CMYA5: variants seen among roughly 807,000 people sequenced by gnomAD.
The protein encoded by CMYA5 is cardiomyopathy-associated protein 5.
A neutral mutation model predicts 318.9 loss-of-function variants in CMYA5; 246 were observed. The ratio of observed to expected loss-of-function variants is 0.77; its 90% CI spans 0.70 to 0.86. The LOEUF is 0.86. CMYA5 is among the 40% of genes least tolerant of loss of function. CMYA5 has a pLI of 0.00. For missense variants in CMYA5, 4,589 were observed against 4,678.2 expected (o/e 0.98, Z 0.56); for synonymous variants, 1,641 against 1,729.5 (o/e 0.95, Z 1.27).
rs1313200099 is a variant in CMYA5 at position 79,739,317 on chromosome 5, T to C, written c.10552T>C (p.Cys3518Arg). 1 of 1,592,370 alleles carries C rather than the reference T, an allele frequency of 6.3e-7. No individual in the cohort carries two copies. Among genetic ancestry groups the C allele is most frequent in the Admixed American group, 1.8e-5 (1 of 56,514 alleles). The change falls in exon 2 of 13, where the codon TGT becomes CGT. Residue 3518 changes from cysteine to arginine, a missense_variant. Transcript: ENST00000446378. ...TGACACATACTGTTACACCTGCAAA[T>C]GTCCAATTTCTGCCACTGACAAGGT... Reference protein sequence around the residue: ...QIDTYCYTCKCPISATDKVFG... With the variant: ...QIDTYCYTCKRPISATDKVFG...
rs765963416 is a variant in CMYA5, at chr5:79,735,039, A to G, written c.6274A>G (p.Ser2092Gly). 1.9e-6 allele frequency: 3 copies of G among 1,613,766 alleles called. No individual in the cohort carries two copies. The highest frequency in any genetic ancestry group is 1.7e-5 in the Admixed American group (1 of 59,966). The change falls in exon 2 of 13, where the codon AGC becomes GGC. Residue 2092 changes from serine to glycine, a missense_variant. Physicochemically the swap from Ser to Gly is moderately conservative, Grantham distance 56 (BLOSUM62 0). Transcript: ENST00000446378. Reference sequence around the variant, plus strand: ...GGGCAATGAAAAAGAAGCACACAGGAGCACACCTCCTTTTCCTGAAGAGAA... The same window carrying G: ...GGGCAATGAAAAAGAAGCACACAGGGGCACACCTCCTTTTCCTGAAGAGAA... The part of the protein sequence containing the change: ...ALGNEKEAHR[S>G]TPPFPEEKPL...
chr5:79,736,767 G>C lies in CMYA5; in HGVS notation c.8002G>C (p.Asp2668His), dbSNP rs377060043. 2.5e-6 allele frequency: 4 copies of C among 1,613,290 alleles called. No individual in the cohort carries two copies. Among genetic ancestry groups the C allele is most frequent in the Admixed American group, 1.7e-5 (1 of 59,878 alleles). Residue 2668 changes from aspartate (D) to histidine (H), a missense_variant, in exon 2 of 13, where the codon GAT becomes CAT. Around this residue, in one of 3 missense-constraint regions of CMYA5, gnomAD observed 2,431 missense variants for 2,495.1 expected, o/e 0.97. Transcript: ENST00000446378. ...AGAAAAGTCAAGCAGAGATATGCCA[G>C]ATCACAGTGAAGAAAAAGAACAGTT... Reference protein sequence around the residue: ...VLEKSSRDMPDHSEEKEQFRE... With the variant: ...VLEKSSRDMPHHSEEKEQFRE...
At chr5:79,754,396 C>T (rs964030452) in intron 6 of CMYA5, among the ~76,000 whole-genome samples, 4 of 152,168 alleles carry the variant, frequency 2.6e-5, no homozygotes, top group African/African-American at 9.7e-5. Flanking sequence ...ATCAAATCAT[C>T]TAATCTCACC....
intron 6 of CMYA5, among the ~76,000 whole-genome samples, chr5:79,757,029 C>A (rs1302573625): frequency 1.3e-5 from 2 of 151,904 alleles, no homozygotes; most frequent in Non-Finnish European, 2.9e-5. Context: ...CCCATCTCTA[C>A]TAAAAATACA....
At position 79,791,002 on chromosome 5, in the gene CMYA5, C is replaced by T. The variant is rs767881356; in HGVS notation, c.11722C>T (p.His3908Tyr). 5.6e-6 allele frequency: 9 copies of T among 1,613,872 alleles called. No homozygotes were observed. Among genetic ancestry groups the T allele is most frequent in the Admixed American group, 3.3e-5 (2 of 60,018 alleles). Residue 3908 changes from histidine to tyrosine, a missense_variant, in exon 11 of 13, where the codon CAT (histidine) becomes TAT (tyrosine). By Grantham distance (83) the His-to-Tyr change is moderately conservative. Around this residue, in one of 3 missense-constraint regions of CMYA5, gnomAD observed 2,431 missense variants for 2,495.1 expected, o/e 0.97. Coordinates refer to ENST00000446378, the MANE Select transcript of CMYA5 (RefSeq NM_153610.5). ...ATTTCTCTTGTTGAGAGAAACAGCTCATCCTGCTCTACACATTTCCTCAAG... is the reference window on the plus strand; with the variant it reads ...ATTTCTCTTGTTGAGAGAAACAGCTTATCCTGCTCTACACATTTCCTCAAG... ...TRFLLLRETA[H>Y]PALHISSSGT...
chr5:79,703,036 A>G (rs1023849074), intron 1 of CMYA5, among the ~76,000 whole-genome samples: 2 of 152,188 alleles, frequency 1.3e-5, no homozygotes, highest in African/African-American at 4.8e-5. Flanking sequence ...CAGGCCCCCC[A>G]AGGTGGGGAA....
chr5:79,714,310 A>G (rs566856435), intron 1 of CMYA5, among the ~76,000 whole-genome samples: 1 of 152,086 alleles, frequency 6.6e-6, no homozygotes, highest in South Asian at 2.1e-4. Context: ...TCAGTCTGTC[A>G]TACTCTGTGA....
chr5:79,761,520 CTACTGAAA>C (rs1342151749), intron 7 of CMYA5, among the ~76,000 whole-genome samples: 2 of 152,272 alleles, frequency 1.3e-5, no homozygotes, highest in Non-Finnish European at 2.9e-5. Flanking sequence ...TTAATATTCG[CTACTGAAA>C]TAAGTTACTT....
intron 1 of CMYA5, among the ~76,000 whole-genome samples, chr5:79,720,062 T>A (rs1347680260): frequency 6.6e-6 from 1 of 152,186 alleles, no homozygotes; most frequent in African/African-American, 2.4e-5. Flanking sequence ...CAGTGAAATG[T>A]TTCAATTTGT....
intron 12 of CMYA5, 83 bp downstream of exon 12, chr5:79,793,693 T>A: frequency 7.9e-7 from 1 of 1,259,220 alleles, no homozygotes; most frequent in Non-Finnish European, 1.1e-6. Context: ...ACCTGATAAA[T>A]AGCACCCACT....
rs879237002 is a variant in CMYA5, at chr5:79,734,655, G to A, written c.5890G>A (p.Ala1964Thr). Reference protein sequence around the residue: ...SHLSSQEAVSALDTSSGNTET... With the variant: ...SHLSSQEAVSTLDTSSGNTET... ...TTTGTCATCACAAGAAGCAGTATCT[G>A]CTCTTGATACTTCCAGTGGTAATAC... The change falls in exon 2 of 13, where the codon GCT (alanine) becomes ACT (threonine). Residue 1964 changes from alanine (A) to threonine (T), a missense_variant. Physicochemically the swap from Ala to Thr is moderately conservative, Grantham distance 58 (BLOSUM62 0). Coordinates refer to ENST00000446378, the MANE Select transcript of CMYA5 (RefSeq NM_153610.5). 1 of 1,613,366 alleles carries A rather than the reference G, an allele frequency of 6.2e-7. No individual in the cohort carries two copies. The highest frequency in any genetic ancestry group is 1.7e-5 in the Admixed American group (1 of 59,994).
chr5:79,764,234 G>T (rs1001370850), intron 9 of CMYA5, among the ~76,000 whole-genome samples: 7 of 151,388 alleles, frequency 4.6e-5, no homozygotes, highest in Non-Finnish European at 8.8e-5. Context: ...TCCCACTTAT[G>T]AGTGAGAACA....
At chr5:79,696,310 G>A (rs143746706) in intron 1 of CMYA5, among the ~76,000 whole-genome samples, 82 of 152,196 alleles carry the variant, frequency 5.4e-4, no homozygotes, top group African/African-American at 1.8e-3. Flanking sequence ...GATCATAGAC[G>A]GAAAAATAAG....
intron 1 of CMYA5, among the ~76,000 whole-genome samples, chr5:79,695,642 C>G (rs1237758745): frequency 6.6e-6 from 1 of 152,214 alleles, no homozygotes; most frequent in Non-Finnish European, 1.5e-5. Flanking sequence ...ATGCCAGGCC[C>G]TGTGCTGGAT....
chr5:79,737,815 A>G lies in CMYA5; in HGVS notation c.9050A>G (p.Lys3017Arg). The G allele has an allele frequency of 6.2e-7, 1 of 1,606,786 alleles. No individual in the cohort carries two copies. The highest frequency in any genetic ancestry group is 8.5e-7 in the Non-Finnish European group (1 of 1,178,218). ...GAAGATGAAAAAGTTACCCCATTGA[A>G]AGAAAATAAACAAAAGGAAACTCAT... ...RLEDEKVTPL[K>R]ENKQKETHKT... Residue 3017 changes from lysine to arginine, a missense_variant, in exon 2 of 13, where the codon AAA becomes AGA. Around this residue, in one of 3 missense-constraint regions of CMYA5, gnomAD observed 2,431 missense variants for 2,495.1 expected, o/e 0.97. Coordinates refer to ENST00000446378, the MANE Select transcript of CMYA5 (RefSeq NM_153610.5).
At chr5:79,790,927 T>TTAAAA in intron 10 of CMYA5, 43 bp from the exon 11 acceptor site, 1 of 1,351,570 alleles carries the variant, frequency 7.4e-7, no homozygotes, top group East Asian at 2.3e-5. Context: ...ACAGCACTGG[T>TTAAAA]CCTTGTGGCA....
At chr5:79,791,181 G>A (rs760985558) in intron 11 of CMYA5, 112 bp downstream of exon 11, 14 of 683,814 alleles carry the variant, frequency 2.0e-5, no homozygotes, top group Admixed American at 6.8e-5. Context: ...TGAACATGTC[G>A]GGATGTGGTC....
At chr5:79,775,626 T>G (rs964904192) in intron 9 of CMYA5, among the ~76,000 whole-genome samples, 6 of 152,208 alleles carry the variant, frequency 3.9e-5, no homozygotes, top group Non-Finnish European at 7.3e-5. Flanking sequence ...ACAATTATAT[T>G]TCTTGACATT....
At position 79,733,839 on chromosome 5, in the gene CMYA5, T is replaced by G; in HGVS notation, c.5074T>G (p.Ser1692Ala). 2 of 1,613,686 alleles carry G rather than the reference T, an allele frequency of 1.2e-6. No homozygotes were observed. The highest frequency in any genetic ancestry group is 1.7e-6 in the Non-Finnish European group (2 of 1,179,822). The change falls in exon 2 of 13, where the codon TCT (serine) becomes GCT (alanine). Residue 1692 changes from serine (S) to alanine (A), a missense_variant. Ser to Ala is a moderately conservative substitution (Grantham distance 99, BLOSUM62 1). This residue lies in a region of CMYA5 where 2,132 missense variants were observed against 2,131.3 expected (regional missense o/e 1.00). Coordinates refer to ENST00000446378, the MANE Select transcript of CMYA5 (RefSeq NM_153610.5). ...KEENRELCAS[S>A]TMPAISELSS... ...AGAAAATAGAGAGCTTTGTGCATCT[T>G]CTACGATGCCTGCAATTTCAGAGCT...
Sources: gnomAD v4.1 joint callset for allele counts (sites outside exome capture counted in the v4.1 genomes callset) on GRCh38, gnomAD v4.1.1 for gene constraint, gnomAD v4.1.1 regional missense constraint, MANE v1.5 for transcripts, NCBI Gene and HGNC (gene_info 2026-07-23, HGNC 2026-07-21) for gene names.